STS: variants seen among roughly 807,000 people sequenced by gnomAD.
STS encodes the protein steryl-sulfatase.
In STS, 7 loss-of-function variants were observed where a neutral mutation model predicts 26.8. The observed-to-expected ratio is 0.26, with a 90% CI of 0.15 to 0.49. The LOEUF (loss-of-function observed/expected upper bound fraction) is 0.49, where lower values mean the gene tolerates loss of function less well. STS is among the 20% of genes least tolerant of loss of function. The pLI is 0.98. For missense variants in STS, 434 were observed against 465.6 expected (o/e 0.93, Z 0.63); for synonymous variants, 199 against 189.4 (o/e 1.05, Z -0.42).
At chrX:7,236,431 T>C (rs779264785) in intron 2 of STS, among the ~76,000 whole-genome samples, 1 of 112,467 alleles carries the variant, frequency 8.9e-6, no homozygotes, top group East Asian at 2.8e-4. Flanking sequence ...GATGTAGCTA[T>C]TTTCATTAAA....
chrX:7,307,797 C>G (rs1363202646), intron 8 of STS, among the ~76,000 whole-genome samples: 1 of 111,872 alleles, frequency 8.9e-6, no homozygotes, highest in African/African-American at 3.2e-5. Context: ...AGAGTTCAGT[C>G]CTCAGTTCCT....
rs1928832756 is a variant in STS, at chrX:7,352,228, A to G, written c.*1967A>G. 1.8e-5 allele frequency: 2 copies of G among 112,533 alleles called. No individual in the cohort carries two copies. The highest frequency in any genetic ancestry group is 3.8e-5 in the Non-Finnish European group (2 of 53,324). The allele number at this position is 112,533 out of a possible 1,213,427, so 9.3% of individuals were successfully genotyped here. On this transcript the variant is annotated 3_prime_UTR_variant, in exon 11 of 11. Transcript: ENST00000674429. ...GTTTACTCAAAGTCTAACATATTCA[A>G]TGCAAGTAAGACTTTCTGAAAACAC... is the stretch of plus-strand genomic sequence containing the variant.
intron 2 of STS, among the ~76,000 whole-genome samples, chrX:7,247,768 A>G (rs771742319): frequency 8.9e-6 from 1 of 111,901 alleles, no homozygotes; most frequent in South Asian, 3.8e-4. Context: ...TGTAGTGGGT[A>G]GAGGCTTGAG....
chrX:7,198,437 G>A (rs1446175947), intron 2 of STS, among the ~76,000 whole-genome samples: 3 of 111,179 alleles, frequency 2.7e-5, no homozygotes, highest in African/African-American at 6.5e-5. Context: ...CAATAGTGAC[G>A]GTATCCCTAG....
chrX:7,151,725 T>C (rs1933015914), intron 1 of STS, among the ~76,000 whole-genome samples: 1 of 111,136 alleles, frequency 9.0e-6, no homozygotes, highest in Non-Finnish European at 1.9e-5. Flanking sequence ...TCCAGTTTGC[T>C]TCTCTGCAGT....
chrX:7,347,335 G>A (rs1345815149), intron 10 of STS, among the ~76,000 whole-genome samples: 1 of 111,919 alleles, frequency 8.9e-6, no homozygotes, highest in African/African-American at 3.2e-5. Context: ...CAGAGACTAA[G>A]CAATCTACCT....
In STS at chrX:7,325,427, T is replaced by C. The variant is rs1440301495; in HGVS notation, c.1170T>C (p.Asp390=). ...TGATACAGGCTGGCCAGAAGATTGA[T>C]GAGCCCACTAGCAACATGGACATAT... is the stretch of plus-strand genomic sequence containing the variant. ...PRVIQAGQKI[D]EPTSNMDIFP... Residue 390 remains aspartate (D), a synonymous_variant, in exon 9 of 11, where the codon GAT becomes GAC. Coordinates refer to ENST00000674429, the MANE Select transcript of STS (RefSeq NM_001320752.2). 2 of 1,211,635 alleles carry C rather than the reference T, an allele frequency of 1.7e-6. No homozygotes were observed. Among genetic ancestry groups the C allele is most frequent in the Middle Eastern group, 4.6e-4 (2 of 4,352 alleles).
At chrX:7,171,758 A>G (rs1279571607) in intron 1 of STS, among the ~76,000 whole-genome samples, 1 of 111,954 alleles carries the variant, frequency 8.9e-6, no homozygotes, top group Admixed American at 9.5e-5. Flanking sequence ...TCTGTGGAAT[A>G]TATGTGGCAC....
chrX:7,338,296 G>C (rs759527196), intron 10 of STS, among the ~76,000 whole-genome samples: 1 of 111,964 alleles, frequency 8.9e-6, no homozygotes, highest in African/African-American at 3.2e-5. Context: ...GGATTTTTAA[G>C]CTGATGACTG....
intron 8 of STS, among the ~76,000 whole-genome samples, chrX:7,314,009 A>C (rs572657340): frequency 3.6e-5 from 4 of 111,519 alleles, no homozygotes; most frequent in African/African-American, 1.3e-4. Flanking sequence ...AGTACACAGT[A>C]GGCAGGTGTG....
At chrX:7,336,208 C>T (rs945143892) in intron 10 of STS, among the ~76,000 whole-genome samples, 1 of 107,976 alleles carries the variant, frequency 9.3e-6, no homozygotes, top group Non-Finnish European at 1.9e-5. Context: ...CTCTAAGGGG[C>T]TTTGGAGCTC....
intron 8 of STS, among the ~76,000 whole-genome samples, chrX:7,314,754 A>G (rs1167968123): frequency 1.8e-5 from 2 of 112,357 alleles, no homozygotes; most frequent in African/African-American, 6.5e-5. Context: ...TGAGATGGGC[A>G]AGATTGAAGT....
chrX:7,171,646 A>C (rs1933469298), intron 1 of STS, among the ~76,000 whole-genome samples: 1 of 111,975 alleles, frequency 8.9e-6, no homozygotes, highest in Non-Finnish European at 1.9e-5. Context: ...ATAGCATAGA[A>C]GTGGCTTGAG....
At chrX:7,173,766 T>C (rs1933513890) in intron 1 of STS, among the ~76,000 whole-genome samples, 1 of 112,386 alleles carries the variant, frequency 8.9e-6, no homozygotes, top group Non-Finnish European at 1.9e-5. Flanking sequence ...TTCATGTCCC[T>C]TGCTTACTTT....
At chrX:7,323,265 C>T (rs761706090) in intron 8 of STS, among the ~76,000 whole-genome samples, 1 of 109,327 alleles carries the variant, frequency 9.1e-6, no homozygotes, top group South Asian at 4.0e-4. Flanking sequence ...GGTACGTGTG[C>T]TGGTGTGTTA....
At chrX:7,327,486 C>T (rs768325645) in intron 9 of STS, among the ~76,000 whole-genome samples, 8 of 108,456 alleles carry the variant, frequency 7.4e-5, no homozygotes, top group Non-Finnish European at 1.3e-4. Flanking sequence ...CAAGCTCAAG[C>T]GATCCTCCCA....
chrX:7,193,980 C>T (rs1431826507), intron 2 of STS, among the ~76,000 whole-genome samples: 1 of 111,735 alleles, frequency 8.9e-6, no homozygotes, highest in Non-Finnish European at 1.9e-5. Context: ...TCTCAGCTCA[C>T]TGCAACCTCC....
intron 2 of STS, among the ~76,000 whole-genome samples, chrX:7,231,202 G>A (rs1234197425): frequency 8.9e-6 from 1 of 111,745 alleles, no homozygotes; most frequent in Non-Finnish European, 1.9e-5. Flanking sequence ...AATGAGGAGT[G>A]ACCACTGACA....
chrX:7,282,245 G>C (rs1470678433), intron 7 of STS, among the ~76,000 whole-genome samples: 1 of 112,094 alleles, frequency 8.9e-6, no homozygotes, highest in East Asian at 2.8e-4. Context: ...CTGTCACCCA[G>C]GCTGGAGTGT....
Sources: gnomAD v4.1 joint callset for allele counts (sites outside exome capture counted in the v4.1 genomes callset) on GRCh38, gnomAD v4.1.1 for gene constraint, MANE v1.5 for transcripts, NCBI Gene and HGNC (gene_info 2026-07-23, HGNC 2026-07-21) for gene names.